Variants in RBFOX1 observed in about 807,000 individuals in gnomAD.
The protein encoded by RBFOX1 is RNA binding fox-1 homolog 1.
RBFOX1 carries 8 observed loss-of-function variants against 57.7 expected under a neutral mutation model. That is an observed-to-expected ratio of 0.14 (90% confidence interval 0.08 to 0.25). RBFOX1 has a LOEUF of 0.25. Among genes scored for constraint, RBFOX1 ranks in the 10% least tolerant of loss-of-function variants. RBFOX1 has a pLI of 1.00. For missense variants in RBFOX1, 611 were observed against 548.5 expected, an observed-to-expected ratio of 1.11 and a Z score of -1.14; for synonymous variants, 326 against 222.4, an observed-to-expected ratio of 1.47 and a Z score of -4.15.
chr16:5,687,183 G>A (rs1899040573), intron 3 of RBFOX1, among the ~76,000 whole-genome samples: 1 of 152,168 alleles, frequency 6.6e-6, no homozygotes, highest in Non-Finnish European at 1.5e-5. Flanking sequence ...CCAGTACAGT[G>A]GAATAGGGGG....
intron 4 of RBFOX1, among the ~76,000 whole-genome samples, chr16:7,249,942 CTCTT>C (rs1207427707): frequency 6.6e-6 from 1 of 152,206 alleles, no homozygotes; most frequent in Non-Finnish European, 1.5e-5. Flanking sequence ...GTTTAAGAGA[CTCTT>C]TCTCTAAATC....
At position 6,227,269 on chromosome 16, in the gene RBFOX1, T is replaced by A. The variant is rs193274617; in HGVS notation, c.-126-89726T>A. ...TCTTAAAACGCACCCTCAGAGCGTTTGATTCAGTGATTCTAAAACGGAGTC... is the reference window on the plus strand; with the variant it reads ...TCTTAAAACGCACCCTCAGAGCGTTAGATTCAGTGATTCTAAAACGGAGTC... On this transcript the variant is annotated intron_variant, in intron 1 of 15. Transcript: ENST00000550418. Among the ~76,000 whole-genome samples the A allele has an allele frequency of 7.5e-4, 114 of 152,278 alleles. 1 individual carries two copies. Among genetic ancestry groups the A allele is most frequent in the Admixed American group, 7.4e-3 (113 of 15,290 alleles).
At chr16:5,409,148 A>G (rs1567465341) in intron 1 of RBFOX1, among the ~76,000 whole-genome samples, 2 of 152,238 alleles carry the variant, frequency 1.3e-5, no homozygotes, top group African/African-American at 2.4e-5. Context: ...GAGAATGCAG[A>G]CAGCAGTAGT....
chr16:6,536,816 T>G (rs1163770627), intron 2 of RBFOX1, among the ~76,000 whole-genome samples: 1 of 152,172 alleles, frequency 6.6e-6, no homozygotes, highest in Non-Finnish European at 1.5e-5. Flanking sequence ...CCAAGTTCAG[T>G]GGTGCATTCC....
At chr16:6,962,989 A>G (rs900709995) in intron 3 of RBFOX1, among the ~76,000 whole-genome samples, 1 of 152,170 alleles carries the variant, frequency 6.6e-6, no homozygotes. Context: ...GAGAAAAAGA[A>G]TGCTGACTCC....
At chr16:5,791,917 C>G (rs2054712959) in intron 3 of RBFOX1, among the ~76,000 whole-genome samples, 1 of 152,182 alleles carries the variant, frequency 6.6e-6, no homozygotes, top group Non-Finnish European at 1.5e-5. Flanking sequence ...AGCAAGATGA[C>G]TGAGGCCACC....
chr16:6,592,140 A>T (rs2153990063), intron 2 of RBFOX1, among the ~76,000 whole-genome samples: 1 of 152,338 alleles, frequency 6.6e-6, no homozygotes, highest in South Asian at 2.1e-4. Context: ...TTTCACATGT[A>T]TCTCTCCAAC....
At chr16:7,547,339 C>A (rs569779451) in intron 5 of RBFOX1, among the ~76,000 whole-genome samples, 1 of 152,288 alleles carries the variant, frequency 6.6e-6, no homozygotes, top group East Asian at 1.9e-4. Context: ...GCCACTAACT[C>A]AACAAGTGTA....
intron 4 of RBFOX1, among the ~76,000 whole-genome samples, chr16:7,276,121 G>T (rs1344742790): frequency 1.3e-5 from 2 of 152,204 alleles, no homozygotes; most frequent in African/African-American, 2.4e-5. Context: ...CAGGCTTGTA[G>T]ATTTAAAGAG....
At chr16:7,294,859 G>T (rs963775233) in intron 4 of RBFOX1, among the ~76,000 whole-genome samples, 4 of 152,020 alleles carry the variant, frequency 2.6e-5, no homozygotes, top group Non-Finnish European at 5.9e-5. Context: ...TGGTTAAAAA[G>T]GATACTTTCT....
At chr16:7,204,874 G>C (rs1433773438) in intron 4 of RBFOX1, among the ~76,000 whole-genome samples, 2 of 152,082 alleles carry the variant, frequency 1.3e-5, no homozygotes, top group African/African-American at 2.4e-5. Flanking sequence ...TTGGTTTTCT[G>C]TTCTTGACTG....
At chr16:6,104,625 T>G (rs549847094) in intron 1 of RBFOX1, among the ~76,000 whole-genome samples, 1 of 152,204 alleles carries the variant, frequency 6.6e-6, no homozygotes, top group Non-Finnish European at 1.5e-5. Flanking sequence ...CCTAGCAGCA[T>G]AATTCAAAAT....
At chr16:6,458,331 A>G (rs551576340) in intron 2 of RBFOX1, among the ~76,000 whole-genome samples, 40 of 152,292 alleles carry the variant, frequency 2.6e-4, no homozygotes, top group Non-Finnish European at 4.6e-4. Flanking sequence ...ACTATTTACT[A>G]TTGGTTTCAC....
At chr16:6,467,044 G>A (rs2095065340) in intron 2 of RBFOX1, among the ~76,000 whole-genome samples, 1 of 150,674 alleles carries the variant, frequency 6.6e-6, no homozygotes. Flanking sequence ...TTAATTACGT[G>A]TAATGTAACA....
intron 4 of RBFOX1, among the ~76,000 whole-genome samples, chr16:7,207,656 A>G (rs1242578744): frequency 1.3e-5 from 2 of 152,206 alleles, no homozygotes; most frequent in African/African-American, 4.8e-5. Context: ...AGAAGGATGG[A>G]GCGGAAGAAA....
At chr16:5,317,065 GC>G (rs2064260806) in intron 1 of RBFOX1, among the ~76,000 whole-genome samples, 1 of 152,096 alleles carries the variant, frequency 6.6e-6, no homozygotes. Context: ...AGCCTCCTGG[GC>G]TCTCAGGCCT....
At chr16:6,498,087 T>A (rs8045731) in intron 2 of RBFOX1, among the ~76,000 whole-genome samples, 124,445 of 151,450 alleles carry the variant, frequency 0.82, 51,709 homozygotes, top group Non-Finnish European at 0.89. Context: ...CGTCTCTACT[T>A]AAAATGTTAT....
chr16:7,077,096 C>G (rs763940824), intron 4 of RBFOX1, among the ~76,000 whole-genome samples: 42 of 152,150 alleles, frequency 2.8e-4, no homozygotes, highest in Non-Finnish European at 5.0e-4. Context: ...TCCTGATGCA[C>G]TTATAATTTT....
intron 3 of RBFOX1, among the ~76,000 whole-genome samples, chr16:5,678,317 C>T (rs935262729): frequency 3.3e-5 from 5 of 152,146 alleles, no homozygotes; most frequent in Non-Finnish European, 5.9e-5. Context: ...CTGGGTTTAG[C>T]GGCTGGTCTT....
Sources: gnomAD v4.1 joint callset for allele counts (sites outside exome capture counted in the v4.1 genomes callset) on GRCh38, gnomAD v4.1.1 for gene constraint, MANE v1.5 for transcripts, NCBI Gene and HGNC (gene_info 2026-07-23, HGNC 2026-07-21) for gene names.